The following RORA variants were observed in gnomAD, a reference collection of about 807,000 sequenced individuals.
RORA encodes RAR related orphan receptor A.
In RORA, 7 loss-of-function variants were observed where a neutral mutation model predicts 69.5. That is an observed-to-expected ratio of 0.10 (90% CI 0.06 to 0.19). RORA has a LOEUF of 0.19. Among genes scored for constraint, RORA ranks in the 10% least tolerant of loss-of-function variants. The pLI, the probability that RORA is intolerant of heterozygous loss-of-function variation, is 1.00. For missense variants in RORA, 457 were observed against 663.0 expected, an observed-to-expected ratio of 0.69 and a Z score of 3.41; for synonymous variants, 261 against 240.8, an observed-to-expected ratio of 1.08 and a Z score of -0.78.
At chr15:61,126,684 C>T (rs909791284) in intron 1 of RORA, among the ~76,000 whole-genome samples, 1 of 152,180 alleles carries the variant, frequency 6.6e-6, no homozygotes, top group Non-Finnish European at 1.5e-5. Flanking sequence ...AACACTCTCC[C>T]ACATACACCT....
intron 1 of RORA, among the ~76,000 whole-genome samples, chr15:60,701,214 C>T (rs898752011): frequency 9.9e-5 from 15 of 152,222 alleles, no homozygotes. Flanking sequence ...TCCTAAGCCC[C>T]TGCCATTGTG....
chr15:60,798,016 A>C (rs1207053412), intron 1 of RORA, among the ~76,000 whole-genome samples: 1 of 152,168 alleles, frequency 6.6e-6, no homozygotes, highest in Non-Finnish European at 1.5e-5. Flanking sequence ...GACCAGCCCC[A>C]ACCCACCAGG....
At chr15:60,873,787 T>C (rs1044180073) in intron 1 of RORA, among the ~76,000 whole-genome samples, 7 of 152,166 alleles carry the variant, frequency 4.6e-5, no homozygotes, top group African/African-American at 1.4e-4. Flanking sequence ...AGATATCCGG[T>C]TGCTGTTTTA....
intron 1 of RORA, among the ~76,000 whole-genome samples, chr15:60,694,699 A>C (rs989886368): frequency 6.6e-6 from 1 of 152,180 alleles, no homozygotes; most frequent in Non-Finnish European, 1.5e-5. Context: ...CAATCCTGCC[A>C]CACACAGCCA....
At chr15:61,000,438 G>A (rs539549400) in intron 1 of RORA, among the ~76,000 whole-genome samples, 37 of 152,230 alleles carry the variant, frequency 2.4e-4, no homozygotes, top group African/African-American at 7.9e-4. Context: ...TAATCGAAAC[G>A]GATAATGACA....
intron 1 of RORA, among the ~76,000 whole-genome samples, chr15:60,810,347 C>T (rs909737601): frequency 6.6e-6 from 1 of 152,088 alleles, no homozygotes; most frequent in African/African-American, 2.4e-5. Context: ...AATTCTTGAT[C>T]TTTTATACAA....
intron 1 of RORA, among the ~76,000 whole-genome samples, chr15:61,041,350 C>G (rs1365846464): frequency 6.6e-6 from 1 of 152,018 alleles, no homozygotes; most frequent in Non-Finnish European, 1.5e-5. Context: ...GAGATGAATT[C>G]AATGAGCTAT....
intron 1 of RORA, among the ~76,000 whole-genome samples, chr15:60,891,033 C>G (rs960151823): frequency 7.2e-5 from 11 of 152,134 alleles, no homozygotes; most frequent in Non-Finnish European, 1.2e-4. Context: ...GGACCCACAC[C>G]ACAGCTAATG....
chr15:61,201,270 G>A (rs1254696936), intron 1 of RORA, among the ~76,000 whole-genome samples: 1 of 152,122 alleles, frequency 6.6e-6, no homozygotes, highest in Non-Finnish European at 1.5e-5. Flanking sequence ...CCATGAACCT[G>A]CTCCTCACTC....
chr15:60,700,619 C>T lies in RORA; in HGVS notation c.167-21933G>A, dbSNP rs1030590397. On this transcript the variant is annotated intron_variant, in intron 1 of 10. Transcript: ENST00000335670. Reference sequence around the variant, plus strand: ...ACTGGTGTATTTCATCAGCAATAAACGTTTCCCCAACAAAATGCTGTATTC... The same window carrying T: ...ACTGGTGTATTTCATCAGCAATAAATGTTTCCCCAACAAAATGCTGTATTC... 5.3e-5 allele frequency among the ~76,000 whole-genome samples: 8 copies of T among 150,154 alleles called. No individual in the cohort carries two copies. The East Asian group carries it at 1.2e-3, about 22-fold the overall frequency.
intron 1 of RORA, among the ~76,000 whole-genome samples, chr15:60,993,644 C>A (rs1178061531): frequency 2.3e-3 from 190 of 82,980 alleles, no homozygotes; most frequent in East Asian, 6.0e-3. Context: ...CTCTCCATCT[C>A]AAAAAAAAAA....
intron 1 of RORA, among the ~76,000 whole-genome samples, chr15:61,137,099 GAAA>G (rs1379240849): frequency 6.9e-6 from 1 of 144,948 alleles, no homozygotes; most frequent in South Asian, 2.3e-4. Flanking sequence ...AAGAAAGAAA[GAAA>G]AAAGCAAGGG....
intron 2 of RORA, among the ~76,000 whole-genome samples, chr15:60,610,719 G>A (rs994498122): frequency 6.6e-6 from 1 of 151,982 alleles, no homozygotes; most frequent in Admixed American, 6.6e-5. Flanking sequence ...ATAACACTGA[G>A]ATCAGAGAGA....
At chr15:60,503,759 G>C in intron 6 of RORA, 92 bp from the exon 7 acceptor site, 3 of 1,493,220 alleles carry the variant, frequency 2.0e-6, no homozygotes, top group Non-Finnish European at 2.7e-6. Flanking sequence ...GCATGCCACT[G>C]CTTTAGCCCT....
rs74388023 is a variant in RORA at position 60,827,870 on chromosome 15, G to A, written c.167-149184C>T. On this transcript the variant is annotated intron_variant, in intron 1 of 10. Transcript: ENST00000335670. The stretch of plus-strand genomic sequence containing the variant: ...ACCATTACAGCTGTCAAAAAACGAT[G>A]ACAACTACTGTTTGAGATGTTTTAT... Among the ~76,000 whole-genome samples, 1,008 of 152,300 alleles carry A rather than the reference G, an allele frequency of 6.6e-3. 4 individuals are homozygous for A. The highest frequency in any genetic ancestry group is 0.013 in the South Asian group (62 of 4,828).
intron 1 of RORA, among the ~76,000 whole-genome samples, chr15:60,770,858 C>G (rs2140881039): frequency 6.6e-6 from 1 of 152,314 alleles, no homozygotes; most frequent in Middle Eastern, 3.4e-3. Context: ...TGGGACTCCT[C>G]TACTCCAAAA....
chr15:60,768,736 T>C (rs2072025805), intron 1 of RORA, among the ~76,000 whole-genome samples: 1 of 152,190 alleles, frequency 6.6e-6, no homozygotes, highest in South Asian at 2.1e-4. Flanking sequence ...AAGGCTGGCC[T>C]GATAAAATGG....
At chr15:60,714,289 C>G (rs887637393) in intron 1 of RORA, among the ~76,000 whole-genome samples, 1 of 152,010 alleles carries the variant, frequency 6.6e-6, no homozygotes, top group African/African-American at 2.4e-5. Flanking sequence ...CAACTCCTGA[C>G]CCCAGGTGAT....
intron 2 of RORA, among the ~76,000 whole-genome samples, chr15:60,592,170 G>T (rs990334644): frequency 2.0e-5 from 3 of 151,868 alleles, no homozygotes; most frequent in Admixed American, 6.5e-5. Context: ...GATCCACCCC[G>T]TGCGCCTTTG....
Sources: allele counts gnomAD v4.1 joint callset (sites outside exome capture counted in the v4.1 genomes callset), GRCh38; gene constraint gnomAD v4.1.1; transcripts MANE v1.5; gene names NCBI Gene and HGNC (gene_info 2026-07-23, HGNC 2026-07-21).